RP2: variants seen among roughly 807,000 people sequenced by gnomAD.
The protein encoded by RP2 is protein XRP2.
Under a neutral mutation model 20.3 loss-of-function variants are expected in RP2, and 3 were observed. The ratio of observed to expected loss-of-function variants is 0.15; its 90% confidence interval spans 0.07 to 0.38. RP2 has a LOEUF of 0.38. RP2 is among the 10% of genes least tolerant of loss of function. The pLI is 1.00. For missense variants in RP2, 233 were observed against 268.5 expected (o/e 0.87, Z 0.92); for synonymous variants, 75 against 94.8 (o/e 0.79, Z 1.22).
intron 1 of RP2, among the ~76,000 whole-genome samples, chrX:46,852,487 G>A (rs1924879980): frequency 8.9e-6 from 1 of 112,201 alleles, no homozygotes; most frequent in Non-Finnish European, 1.9e-5. Flanking sequence ...GCAGAAATCA[G>A]TTGGGGTTTA....
chrX:46,872,823 G>A (rs781903141), intron 3 of RP2, among the ~76,000 whole-genome samples: 11 of 110,827 alleles, frequency 9.9e-5, no homozygotes, highest in Non-Finnish European at 1.9e-4. Context: ...CTGCAGCTTC[G>A]ACCTCCAGAG....
At chrX:46,855,163 A>C (rs1924935408) in intron 2 of RP2, among the ~76,000 whole-genome samples, 1 of 110,524 alleles carries the variant, frequency 9.0e-6, no homozygotes, top group African/African-American at 3.3e-5. Flanking sequence ...CATAGAAGGG[A>C]GCTTGATGCA....
chrX:46,875,208 T>C (rs1925354034), intron 3 of RP2, among the ~76,000 whole-genome samples: 1 of 109,974 alleles, frequency 9.1e-6, no homozygotes. Context: ...CAGTCTTCTC[T>C]GTGGGATGCT....
Position 46,837,182 on chromosome X carries a change from A to G in RP2, c.82A>G (p.Ser28Gly). Residue 28 changes from serine (S) to glycine (G), a missense_variant, in exon 1 of 5, where the codon AGC becomes GGC. This residue lies in a region of RP2 where 77 missense variants were observed against 71.8 expected (regional missense o/e 1.07). Transcript: ENST00000218340. ...ENEEERPKQY[S>G]WDQREKVDPK... The stretch of plus-strand genomic sequence containing the variant: ...CGAGGAGGAGCGGCCAAAGCAGTAC[A>G]GCTGGGATCAGCGCGAGAAGGTAAT... 2 of 1,169,420 alleles carry G rather than the reference A, an allele frequency of 1.7e-6. No individual in the cohort carries two copies. Among genetic ancestry groups the G allele is most frequent in the Non-Finnish European group, 2.3e-6 (2 of 873,916 alleles).
intron 3 of RP2, among the ~76,000 whole-genome samples, chrX:46,872,585 C>T (rs1925310265): frequency 8.9e-6 from 1 of 112,306 alleles, no homozygotes; most frequent in African/African-American, 3.2e-5. Flanking sequence ...CTTCACCTGT[C>T]ATCTAAGGAC....
intron 3 of RP2, among the ~76,000 whole-genome samples, chrX:46,874,181 A>G (rs1286717420): frequency 2.7e-5 from 3 of 111,932 alleles, no homozygotes; most frequent in Non-Finnish European, 5.6e-5. Flanking sequence ...ATTTATTGGA[A>G]GTTTATCATA....
At chrX:46,840,779 A>G in intron 1 of RP2, among the ~76,000 whole-genome samples, 1 of 112,494 alleles carries the variant, frequency 8.9e-6, no homozygotes, top group East Asian at 2.8e-4. Context: ...ATTCATGCCC[A>G]TACTTTTCCT....
chrX:46,845,771 T>C (rs900709285), intron 1 of RP2, among the ~76,000 whole-genome samples: 4 of 104,975 alleles, frequency 3.8e-5, no homozygotes, highest in Non-Finnish European at 7.9e-5. Context: ...GTATCAAGAG[T>C]TTTTTTTTTT....
intron 2 of RP2, among the ~76,000 whole-genome samples, chrX:46,857,332 C>T (rs782221863): frequency 9.9e-5 from 11 of 111,343 alleles, no homozygotes; most frequent in Middle Eastern, 4.6e-3. Flanking sequence ...GAGGCCGAGG[C>T]GGGTGGATCA....
Position 46,853,754 on chromosome X carries a change from C to T in RP2, c.381C>T (p.Val127=), listed in dbSNP as rs1012931311. 4.1e-6 allele frequency: 5 copies of T among 1,212,046 alleles called. No homozygotes were observed. The highest frequency in any genetic ancestry group is 3.3e-6 in the Non-Finnish European group (3 of 895,623). ...FRVRDCRKLE[V]FLCCATQPII... The stretch of plus-strand genomic sequence containing the variant: ...TGCGAGATTGTAGAAAGCTGGAAGT[C>T]TTTTTGTGTTGTGCCACTCAACCCA... The change falls in exon 2 of 5, where the codon GTC becomes GTT. Residue 127 remains valine (V), a synonymous_variant. Coordinates refer to ENST00000218340, the MANE Select transcript of RP2 (RefSeq NM_006915.3).
intron 3 of RP2, among the ~76,000 whole-genome samples, chrX:46,875,167 C>T (rs1000713592): frequency 2.7e-5 from 3 of 109,514 alleles, no homozygotes; most frequent in African/African-American, 6.6e-5. Flanking sequence ...TACACGGTGA[C>T]GACCTTCTCT....
rs912208447 is a variant in RP2 at position 46,853,880 on chromosome X, T to C, written c.507T>C (p.Asn169=). 8.3e-7 allele frequency: 1 copy of C among 1,211,669 alleles called. No homozygotes were observed. Among genetic ancestry groups the C allele is most frequent in the East Asian group, 3.0e-5 (1 of 33,849 alleles). The change falls in exon 2 of 5, where the codon AAT becomes AAC. Residue 169 remains asparagine (N), a synonymous_variant. Transcript: ENST00000218340. The part of the protein sequence containing the change: ...FKDAGLSIFN[N]TWSNIHDFTP... ...ATGCAGGGCTAAGTATCTTCAACAA[T>C]ACATGGAGTAACATTCATGACTTTA...
intron 1 of RP2, among the ~76,000 whole-genome samples, chrX:46,847,789 T>TA (rs10694224): frequency 1.2e-5 from 1 of 83,475 alleles, no homozygotes; most frequent in East Asian, 4.2e-4. Flanking sequence ...CATACACACA[T>TA]GTGTGTGTGT....
chrX:46,854,076 T>C lies in RP2; in HGVS notation c.703T>C (p.Ser235Pro). The change falls in exon 2 of 5, where the codon TCA becomes CCA. Residue 235 changes from serine (S) to proline (P), a missense_variant. Transcript: ENST00000218340. Reference sequence around the variant, plus strand: ...TCAGAGACAGAAGAGCAGCGATGAATCATGCTTAGTGGTATTATTTGCTGG... The same window carrying C: ...TCAGAGACAGAAGAGCAGCGATGAACCATGCTTAGTGGTATTATTTGCTGG... ...RGQRQKSSDESCLVVLFAGDY... is the reference protein window; with the variant it reads ...RGQRQKSSDEPCLVVLFAGDY... The C allele has an allele frequency of 8.3e-7, 1 of 1,211,782 alleles. No homozygotes were observed. The highest frequency in any genetic ancestry group is 1.1e-6 in the Non-Finnish European group (1 of 895,380).
At chrX:46,879,062 T>TAAAAAAAAA (rs35579507) in intron 4 of RP2, among the ~76,000 whole-genome samples, 2 of 33,049 alleles carry the variant, frequency 6.1e-5, no homozygotes, top group Admixed American at 6.1e-4. Context: ...CTACAAAAAG[T>TAAAAAAAAA]AAAAAAAAAA....
intron 1 of RP2, among the ~76,000 whole-genome samples, chrX:46,849,268 G>C (rs1556317729): frequency 9.3e-6 from 1 of 108,006 alleles, no homozygotes; most frequent in East Asian, 3.0e-4. Flanking sequence ...ATGGCTCACT[G>C]CAGCCTTGAA....
chrX:46,881,983 G>A lies in RP2; in HGVS notation c.*2214G>A, dbSNP rs1925478782. On this transcript the variant is annotated 3_prime_UTR_variant, in exon 5 of 5. Coordinates refer to ENST00000218340, the MANE Select transcript of RP2 (RefSeq NM_006915.3). ...TCTATTAACCAAAGCTTAAAATTTT[G>A]TATTCTTCTGTTAGATAAGACCTTT... 1 of 111,495 alleles carries A rather than the reference G, an allele frequency of 9.0e-6. No individual in the cohort carries two copies. The highest frequency in any genetic ancestry group is 1.9e-5 in the Non-Finnish European group (1 of 53,102). The allele number at this position is 111,495 out of a possible 1,213,427, so 9.2% of individuals were successfully genotyped here. A position where few individuals can be genotyped will look rare whatever the true frequency, so the allele number is the denominator to read the frequency against.
intron 4 of RP2, 115 bp downstream of exon 4, chrX:46,877,705 T>G (rs1373008517): frequency 2.4e-5 from 9 of 369,332 alleles, no homozygotes; most frequent in East Asian, 9.3e-5. Context: ...ATTTTTGGGG[T>G]GTGTGTGTGT....
At chrX:46,870,647 T>G (rs1167556739) in intron 3 of RP2, among the ~76,000 whole-genome samples, 6 of 112,098 alleles carry the variant, frequency 5.4e-5, no homozygotes, top group Non-Finnish European at 1.1e-4. Flanking sequence ...CACTTTCTTA[T>G]ACTACAATAG....
Sources: allele counts gnomAD v4.1 joint callset (sites outside exome capture counted in the v4.1 genomes callset), GRCh38; gene constraint gnomAD v4.1.1; regional missense constraint gnomAD v4.1.1; transcripts MANE v1.5; gene names NCBI Gene and HGNC (gene_info 2026-07-23, HGNC 2026-07-21).